Variants in BCAS3 observed in about 807,000 individuals in gnomAD.
BCAS3 encodes the protein BCAS3 microtubule associated cell migration factor, also known as BCAS4/BCAS3 fusion.
Under a neutral mutation model 116.1 loss-of-function variants are expected in BCAS3, and 53 were observed. The observed-to-expected ratio is 0.46, with a 90% CI of 0.37 to 0.57. The LOEUF is 0.57. Among genes scored for constraint, BCAS3 ranks in the 20% least tolerant of loss-of-function variants. BCAS3 has a pLI of 0.00. For missense variants in BCAS3, 917 were observed against 1,165.4 expected, an observed-to-expected ratio of 0.79 and a Z score of 3.10; for synonymous variants, 391 against 408.2, an observed-to-expected ratio of 0.96 and a Z score of 0.51.
chr17:60,709,284 A>T lies in BCAS3; in HGVS notation c.280A>T (p.Met94Leu). The T allele has an allele frequency of 6.2e-7, 1 of 1,603,260 alleles. No individual in the cohort carries two copies. The highest frequency in any genetic ancestry group is 8.5e-7 in the Non-Finnish European group (1 of 1,170,054). ...TGGGAATGAACCGCCTTTGTTGATT[A>T]TGATTGGCTACAGTGATGGAATGCA... ...STGNEPPLLI[M>L]IGYSDGMQVW... Residue 94 changes from methionine (M) to leucine (L), a missense_variant, in exon 5 of 24, where the codon ATG becomes TTG. Around this residue, in one of 3 missense-constraint regions of BCAS3, gnomAD observed 807 missense variants for 1,026.0 expected, o/e 0.79. Coordinates refer to ENST00000407086, the MANE Select transcript of BCAS3 (RefSeq NM_017679.5).
At chr17:60,934,901 G>C (rs1212321978) in intron 13 of BCAS3, among the ~76,000 whole-genome samples, 1 of 152,150 alleles carries the variant, frequency 6.6e-6, no homozygotes, top group East Asian at 1.9e-4. Flanking sequence ...ACTCATACCT[G>C]TAATCCTAGC....
intron 9 of BCAS3, among the ~76,000 whole-genome samples, chr17:60,881,384 C>T (rs1161487352): frequency 2.0e-5 from 3 of 151,920 alleles, no homozygotes; most frequent in South Asian, 4.2e-4. Context: ...AAACCATTGC[C>T]CAATCCAAGG....
intron 7 of BCAS3, among the ~76,000 whole-genome samples, chr17:60,823,411 G>T (rs1272158303): frequency 1.3e-5 from 2 of 152,096 alleles, no homozygotes; most frequent in Admixed American, 1.3e-4. Flanking sequence ...TTATAGAGAG[G>T]ATTGAGGGCT....
At chr17:60,678,488 G>T (rs946620397) in intron 1 of BCAS3, among the ~76,000 whole-genome samples, 2 of 152,132 alleles carry the variant, frequency 1.3e-5, no homozygotes, top group East Asian at 3.8e-4. Flanking sequence ...TAACCAAGCC[G>T]ACTCCATGCT....
At chr17:61,086,650 G>A in intron 22 of BCAS3, 1 of 983,562 alleles carries the variant, frequency 1.0e-6, no homozygotes, top group Non-Finnish European at 1.2e-6. Flanking sequence ...CCCATCTTTT[G>A]AGTAGGAAAG....
At chr17:61,070,402 T>TATATG (rs1421925012) in intron 19 of BCAS3, 1 of 166,792 alleles carries the variant, frequency 6.0e-6, no homozygotes, top group African/African-American at 2.5e-5. Context: ...TATATATATC[T>TATATG]TTTCACCATT....
intron 13 of BCAS3, among the ~76,000 whole-genome samples, chr17:60,946,913 GA>G (rs2060531072): frequency 6.6e-6 from 1 of 151,768 alleles, no homozygotes; most frequent in Non-Finnish European, 1.5e-5. Context: ...TCTGCTTCAG[GA>G]AAAAAATAAA....
chr17:61,031,872 C>T (rs1047735024), intron 16 of BCAS3, among the ~76,000 whole-genome samples: 1 of 151,670 alleles, frequency 6.6e-6, no homozygotes, highest in Admixed American at 6.6e-5. Flanking sequence ...ATAGTTTTAC[C>T]ATAAAATACT....
chr17:60,689,374 C>G (rs577015366), intron 3 of BCAS3, among the ~76,000 whole-genome samples: 1 of 152,298 alleles, frequency 6.6e-6, no homozygotes, highest in South Asian at 2.1e-4. Context: ...CAGAGTTTCG[C>G]CATGTTGGCC....
chr17:61,228,455 AGAT>A lies in BCAS3; in HGVS notation c.2426-139868_2426-139866del, dbSNP rs1438962063. Among the ~76,000 whole-genome samples, 1 of 152,248 alleles carries A rather than the reference AGAT, an allele frequency of 6.6e-6. No individual in the cohort carries two copies. The highest frequency in any genetic ancestry group is 2.4e-5 in the African/African-American group (1 of 41,470). ...TGCATTTTGCTTGATTGTGCTTCAC[AGAT>A]GATATTGCATTTTTTACAAATTGAA... On this transcript the variant is annotated intron_variant, in intron 22 of 23. Coordinates refer to ENST00000407086, the MANE Select transcript of BCAS3 (RefSeq NM_017679.5). The surrounding 1 kb of genome is among the most constrained non-coding windows in gnomAD (Gnocchi z 5.0).
intron 4 of BCAS3, among the ~76,000 whole-genome samples, chr17:60,699,749 G>A (rs1032214630): frequency 3.3e-5 from 5 of 151,892 alleles, no homozygotes; most frequent in African/African-American, 1.2e-4. Context: ...GAGGTAAAGA[G>A]GTATGTCATT....
At chr17:61,045,849 C>CTCTCTCTCTCTCTCTCTCTCTA (rs1247914760) in intron 19 of BCAS3, among the ~76,000 whole-genome samples, 6 of 7,938 alleles carry the variant, frequency 7.6e-4, no homozygotes, top group African/African-American at 1.2e-3. Flanking sequence ...CTCTCTCTCT[C>CTCTCTCTCTCTCTCTCTCTCTA]TATATATATA....
chr17:61,267,674 A>G (rs1041153030), intron 22 of BCAS3, among the ~76,000 whole-genome samples: 1 of 149,662 alleles, frequency 6.7e-6, no homozygotes, highest in African/African-American at 2.4e-5. Flanking sequence ...ATGAGCCAAG[A>G]TCGTGCCACT....
chr17:61,155,722 T>C (rs2077796568), intron 22 of BCAS3, among the ~76,000 whole-genome samples: 1 of 152,162 alleles, frequency 6.6e-6, no homozygotes, highest in Non-Finnish European at 1.5e-5. Flanking sequence ...ACATATGGCA[T>C]TATGGAAATC....
At chr17:61,138,692 G>A (rs1043436018) in intron 22 of BCAS3, among the ~76,000 whole-genome samples, 6 of 152,154 alleles carry the variant, frequency 3.9e-5, no homozygotes, top group Non-Finnish European at 8.8e-5. Context: ...TGGAATAAGA[G>A]ACTTACTTTA....
At chr17:60,689,816 T>C in intron 4 of BCAS3, 55 bp downstream of exon 4, 2 of 1,231,796 alleles carry the variant, frequency 1.6e-6, no homozygotes, top group Admixed American at 3.8e-5. Flanking sequence ...TTGGAGTACC[T>C]GATTCCAAAA....
At chr17:61,280,893 G>T (rs1219904276) in intron 22 of BCAS3, among the ~76,000 whole-genome samples, 1 of 152,150 alleles carries the variant, frequency 6.6e-6, no homozygotes, top group African/African-American at 2.4e-5. Context: ...TCTCCAACAA[G>T]TCCCAACTGA....
chr17:61,206,491 T>C (rs2081132847), intron 22 of BCAS3, among the ~76,000 whole-genome samples: 1 of 152,234 alleles, frequency 6.6e-6, no homozygotes, highest in South Asian at 2.1e-4. Context: ...CTAAACTGCA[T>C]TTTTAGATTA....
At chr17:60,805,632 A>G (rs1158049223) in intron 6 of BCAS3, among the ~76,000 whole-genome samples, 1 of 152,112 alleles carries the variant, frequency 6.6e-6, no homozygotes, top group Non-Finnish European at 1.5e-5. Context: ...GTTCAAGATC[A>G]GCCTGGGCAA....
Sources: gnomAD v4.1 joint callset for allele counts (sites outside exome capture counted in the v4.1 genomes callset) on GRCh38, gnomAD v4.1.1 for gene constraint, gnomAD v4.1.1 regional missense constraint, Gnocchi (gnomAD v3.1) non-coding constraint, MANE v1.5 for transcripts, NCBI Gene and HGNC (gene_info 2026-07-23, HGNC 2026-07-21) for gene names.